Variants in FAM174B observed in about 807,000 individuals in gnomAD.
The protein encoded by FAM174B is membrane protein FAM174B.
Under a neutral mutation model 10.9 loss-of-function variants are expected in FAM174B, and 12 were observed. The observed-to-expected ratio is 1.10, with a 90% CI of 0.71 to 1.79. The LOEUF is 1.79. FAM174B is among the 40% of genes most tolerant of loss of function. The pLI, the probability that FAM174B is intolerant of heterozygous loss-of-function variation, is 0.00. For synonymous variants in FAM174B, 132 were observed against 115.8 expected (o/e 1.14, Z -0.90); for missense variants, 266 against 233.3 (o/e 1.14, Z -0.91).
chr15:92,623,622 C>A (rs2050734137), intron 2 of FAM174B, among the ~76,000 whole-genome samples: 1 of 152,214 alleles, frequency 6.6e-6, no homozygotes, highest in Admixed American at 6.5e-5. Context: ...CACAGGAACA[C>A]CTGTTGCAGC....
chr15:92,650,610 G>C (rs373299411), intron 1 of FAM174B, among the ~76,000 whole-genome samples: 2 of 152,192 alleles, frequency 1.3e-5, no homozygotes, highest in Non-Finnish European at 2.9e-5. Flanking sequence ...ACACCAGAGC[G>C]TAAAGTCAGA....
At chr15:92,633,645 G>A (rs1354002463) in intron 1 of FAM174B, among the ~76,000 whole-genome samples, 1 of 152,168 alleles carries the variant, frequency 6.6e-6, no homozygotes, top group East Asian at 1.9e-4. Flanking sequence ...CAAATGCCAA[G>A]CCTGGTGATA....
intron 1 of FAM174B, among the ~76,000 whole-genome samples, chr15:92,640,047 G>T (rs550532604): frequency 6.6e-6 from 1 of 152,194 alleles, no homozygotes; most frequent in East Asian, 1.9e-4. Context: ...GATAAAGATG[G>T]CATTTCAAAT....
intron 2 of FAM174B, among the ~76,000 whole-genome samples, chr15:92,624,721 C>T (rs1271664930): frequency 2.0e-5 from 3 of 152,230 alleles, no homozygotes; most frequent in African/African-American, 7.2e-5. Flanking sequence ...AACGTCCACA[C>T]CCCCACGGGG....
intron 1 of FAM174B, among the ~76,000 whole-genome samples, chr15:92,641,017 C>A (rs1267126948): frequency 6.6e-6 from 1 of 151,664 alleles, no homozygotes; most frequent in Non-Finnish European, 1.5e-5. Context: ...TAAAAAAGAT[C>A]AATAATCTAA....
chr15:92,645,343 G>A (rs1030963825), intron 1 of FAM174B, among the ~76,000 whole-genome samples: 6 of 152,292 alleles, frequency 3.9e-5, no homozygotes, highest in Middle Eastern at 3.4e-3. Flanking sequence ...CGTGCCCCTG[G>A]GGGCTTACGC....
In FAM174B at chr15:92,655,185, C is replaced by T; in HGVS notation, c.344+131G>A. 1.5e-6 allele frequency: 2 copies of T among 1,315,242 alleles called. 1 individual carries two copies. The highest frequency in any genetic ancestry group is 3.5e-5 in the South Asian group (2 of 56,364). The allele number at this position is 1,315,242 out of a possible 1,614,324, so 81.5% of individuals were successfully genotyped here. Reference sequence around the variant, plus strand: ...CCCCCACCCACTCTCCCGGGCAGGGCAGGAGGCACACGGCTGGCTGGGGCG... The same window carrying T: ...CCCCCACCCACTCTCCCGGGCAGGGTAGGAGGCACACGGCTGGCTGGGGCG... On this transcript the variant is annotated intron_variant, in intron 1 of 2. Coordinates refer to ENST00000327355, the MANE Select transcript of FAM174B (RefSeq NM_207446.3).
At chr15:92,639,913 G>C (rs955611359) in intron 1 of FAM174B, among the ~76,000 whole-genome samples, 3 of 152,044 alleles carry the variant, frequency 2.0e-5, no homozygotes, top group African/African-American at 7.2e-5. Flanking sequence ...CCAGTCTCAG[G>C]TATTTCTTTA....
In FAM174B at chr15:92,631,400, T is replaced by TATTATATATTATATATTA. The variant is rs1224800326; in HGVS notation, c.345-1056_345-1055insTAATATATAATATATAAT. 4.8e-4 allele frequency among the ~76,000 whole-genome samples: 15 copies of TATTATATATTATATATTA among 31,440 alleles called. 2 individuals carry two copies. The highest frequency in any genetic ancestry group is 2.9e-3 in the African/African-American group (15 of 5,104). 20.6% of individuals were successfully genotyped at this position (31,440 alleles called of 152,430 possible). A position where few individuals can be genotyped will look rare whatever the true frequency, so the allele number is the denominator to read the frequency against. Reference sequence around the variant, plus strand: ...AATATATTATATATTATATATTATATTATATTATATATAATATATAATATA... The same window carrying TATTATATATTATATATTA: ...AATATATTATATATTATATATTATATATTATATATTATATATTATATATTATATATAATATATAATATA... On this transcript the variant is annotated intron_variant, in intron 1 of 2. Coordinates refer to ENST00000327355, the MANE Select transcript of FAM174B (RefSeq NM_207446.3).
Position 92,655,715 on chromosome 15 carries a change from C to A in FAM174B, c.-56G>T. 8.2e-7 allele frequency: 1 copy of A among 1,215,952 alleles called. No homozygotes were observed. The highest frequency in any genetic ancestry group is 1.0e-6 in the Non-Finnish European group (1 of 975,752). The allele number at this position is 1,215,952 out of a possible 1,614,324, so 75.3% of individuals were successfully genotyped here. ...GGCGCGCGCGGCTGAGCTCCAGGAT[C>A]CGCACCAGCACGGAGGCCTGCACCG... On this transcript the variant is annotated 5_prime_UTR_variant, in exon 1 of 3. Coordinates refer to ENST00000327355, the MANE Select transcript of FAM174B (RefSeq NM_207446.3).
At chr15:92,652,466 C>G (rs550944943) in intron 1 of FAM174B, among the ~76,000 whole-genome samples, 1 of 152,108 alleles carries the variant, frequency 6.6e-6, no homozygotes, top group Non-Finnish European at 1.5e-5. Flanking sequence ...TGAGCAGAGC[C>G]GAGATGGGGG....
rs755837897 is a variant in FAM174B at position 92,630,214 on chromosome 15, C to G, written c.476G>C (p.Arg159Thr). The change falls in exon 2 of 3, where the codon AGG becomes ACG. Residue 159 changes from arginine (R) to threonine (T), a missense_variant and splice_region_variant. Physicochemically the swap from Arg to Thr is moderately conservative, Grantham distance 71. Transcript: ENST00000327355. Reference protein sequence around the residue: ...EDSTVFDIKYR With the variant: ...EDSTVFDIKYT The stretch of plus-strand genomic sequence containing the variant: ...GGAAGCCTCTGTCTCCACCCTGTAC[C>G]TGTATTTGATGTCGAATACTGTGGA... 2.5e-6 allele frequency: 4 copies of G among 1,613,616 alleles called. No individual in the cohort carries two copies.
intron 1 of FAM174B, among the ~76,000 whole-genome samples, chr15:92,641,360 T>C (rs1046704855): frequency 1.3e-5 from 2 of 152,240 alleles, no homozygotes; most frequent in African/African-American, 2.4e-5. Context: ...ATTCCATTTC[T>C]AGGAATTTGT....
At chr15:92,646,179 T>C (rs1344834589) in intron 1 of FAM174B, among the ~76,000 whole-genome samples, 1 of 152,168 alleles carries the variant, frequency 6.6e-6, no homozygotes, top group East Asian at 1.9e-4. Flanking sequence ...TCACTATTCA[T>C]GCATTCTTGG....
chr15:92,625,248 C>T (rs572831632), intron 2 of FAM174B, among the ~76,000 whole-genome samples: 4 of 149,210 alleles, frequency 2.7e-5, no homozygotes, highest in South Asian at 2.2e-4. Flanking sequence ...CTGAAAACTT[C>T]GAGAAAAAAA....
rs575434609 is a variant in FAM174B at position 92,635,456 on chromosome 15, C to G, written c.345-5111G>C. ...AGACACGTTCCCAGCTGTGGTGCAC[C>G]GGCTGTGTTGACAAGGGTCTTCGCG... is the stretch of plus-strand genomic sequence containing the variant. On this transcript the variant is annotated intron_variant, in intron 1 of 2. Transcript: ENST00000327355. 4.0e-4 allele frequency among the ~76,000 whole-genome samples: 61 copies of G among 152,186 alleles called. No homozygotes were observed. The South Asian group carries it at 0.011, about 26-fold the overall frequency.
In FAM174B at chr15:92,655,638, C is replaced by A. The variant is rs1232314443; in HGVS notation, c.22G>T (p.Ala8Ser). The A allele has an allele frequency of 8.0e-7, 1 of 1,254,962 alleles. No homozygotes were observed. The highest frequency in any genetic ancestry group is 3.4e-5 in the South Asian group (1 of 29,544). 77.7% of individuals were successfully genotyped at this position (1,254,962 alleles called of 1,614,324 possible). A position where few individuals can be genotyped will look rare whatever the true frequency, so the allele number is the denominator to read the frequency against. The change falls in exon 1 of 3, where the codon GCC becomes TCC. Residue 8 changes from alanine to serine, a missense_variant. By Grantham distance (99) the Ala-to-Ser change is moderately conservative. Transcript: ENST00000327355. ...AGCAGCAGCAGCGGCAGGAGCGGGGCGGGCAGCGGCACGGCGCGCATAGTG... is the reference window on the plus strand; with the variant it reads ...AGCAGCAGCAGCGGCAGGAGCGGGGAGGGCAGCGGCACGGCGCGCATAGTG... MRAVPLP[A>S]PLLPLLLLAL... is the part of the protein sequence containing the mutation.
chr15:92,619,368 G>T lies in FAM174B; in HGVS notation c.*88C>A. 1 of 1,525,000 alleles carries T rather than the reference G, an allele frequency of 6.6e-7. No individual in the cohort carries two copies. Among genetic ancestry groups the T allele is most frequent in the Non-Finnish European group, 9.1e-7 (1 of 1,099,944 alleles). 94.5% of individuals were successfully genotyped at this position (1,525,000 alleles called of 1,614,324 possible). On this transcript the variant is annotated 3_prime_UTR_variant, in exon 3 of 3. Coordinates refer to ENST00000327355, the MANE Select transcript of FAM174B (RefSeq NM_207446.3). ...TCGTTTTGGTTTCAACACCTCCGAC[G>T]CAAGAGGGCTTCCAGGTCCAGTCCT...
intron 1 of FAM174B, among the ~76,000 whole-genome samples, chr15:92,630,840 TATTAC>T (rs1481122799): frequency 1.7e-5 from 1 of 59,104 alleles, no homozygotes; most frequent in African/African-American, 3.9e-5. Flanking sequence ...ATATTATATA[TATTAC>T]ATATTACATG....
Sources: allele counts gnomAD v4.1 joint callset (sites outside exome capture counted in the v4.1 genomes callset), GRCh38; gene constraint gnomAD v4.1.1; transcripts MANE v1.5; gene names NCBI Gene and HGNC (gene_info 2026-07-23, HGNC 2026-07-21).